The following TBC1D10B variants were observed in gnomAD, a reference collection of about 807,000 sequenced individuals.
TBC1D10B encodes Rab27A-GAPbeta.
Under a neutral mutation model 78.4 loss-of-function variants are expected in TBC1D10B, and 25 were observed. The ratio of observed to expected loss-of-function variants is 0.32; its 90% confidence interval spans 0.23 to 0.45. The LOEUF (loss-of-function observed/expected upper bound fraction) is 0.45. TBC1D10B is among the 20% of genes least tolerant of loss of function. TBC1D10B has a pLI of 1.00. For synonymous variants in TBC1D10B, 517 were observed against 478.0 expected, an observed-to-expected ratio of 1.08 and a Z score of -1.06; for missense variants, 996 against 1,104.8, an observed-to-expected ratio of 0.90 and a Z score of 1.40.
At chr16:30,359,659 A>C in intron 5 of TBC1D10B, 56 bp from the exon 6 acceptor site, 1 of 1,552,426 alleles carries the variant, frequency 6.4e-7, no homozygotes, top group Non-Finnish European at 8.7e-7. Context: ...GGGAGCAGGG[A>C]GCTCCCCCAT....
chr16:30,365,011 A>G lies in TBC1D10B; in HGVS notation c.1165-5T>C. The G allele has an allele frequency of 1.2e-6, 2 of 1,613,054 alleles. No individual in the cohort carries two copies. Among genetic ancestry groups the G allele is most frequent in the Non-Finnish European group, 1.7e-6 (2 of 1,179,402 alleles). On this transcript the variant is annotated splice_polypyrimidine_tract_variant and splice_region_variant and intron_variant, in intron 3 of 8. Transcript: ENST00000409939. The surrounding 1 kb of genome is among the most constrained non-coding windows in gnomAD (Gnocchi z 5.0). ...CCCAGGAGCCCGTTCCAGCTCCTGC[A>G]GTGGGACAGTGGGGATTACCTCAGC...
At chr16:30,359,514 T>C (rs1596985060) in intron 6 of TBC1D10B, 24 bp downstream of exon 6, 1 of 1,554,694 alleles carries the variant, frequency 6.4e-7, no homozygotes, top group East Asian at 2.4e-5. Context: ...CAGCCCCGGA[T>C]GCACCCAGCC....
chr16:30,358,262 T>C lies in TBC1D10B; in HGVS notation c.2109A>G (p.Pro703=). ...GPVVTAEGLH[P]SLPSPTGNST... ...TATTGCCAGTGGGTGAGGGAAGGGATGGATGCAGTCCCTCAGCAGTGACCA... is the reference window on the plus strand; with the variant it reads ...TATTGCCAGTGGGTGAGGGAAGGGACGGATGCAGTCCCTCAGCAGTGACCA... Residue 703 remains proline, a synonymous_variant, in exon 9 of 9, where the codon CCA becomes CCG. Coordinates refer to ENST00000409939, the MANE Select transcript of TBC1D10B (RefSeq NM_015527.4). 1 of 1,577,848 alleles carries C rather than the reference T, an allele frequency of 6.3e-7. No homozygotes were observed. Among genetic ancestry groups the C allele is most frequent in the Non-Finnish European group, 8.6e-7 (1 of 1,161,842 alleles).
intron 4 of TBC1D10B, 25 bp downstream of exon 4, chr16:30,364,875 G>T: frequency 6.3e-7 from 1 of 1,578,364 alleles, no homozygotes; most frequent in Non-Finnish European, 8.6e-7. Flanking sequence ...TTTGCTGACT[G>T]ACCCCCATGG....
intron 4 of TBC1D10B, 136 bp downstream of exon 4, chr16:30,364,764 A>G: frequency 1.4e-6 from 1 of 721,518 alleles, no homozygotes. Flanking sequence ...CTTGACACTT[A>G]GTCCATTACA....
rs947634508 is a variant in TBC1D10B, at chr16:30,369,880, T to C, written c.304A>G (p.Lys102Glu). The change falls in exon 1 of 9, where the codon AAG (lysine) becomes GAG (glutamate). Residue 102 changes from lysine to glutamate, a missense_variant. Lys to Glu is a moderately conservative substitution (Grantham distance 56). Coordinates refer to ENST00000409939, the MANE Select transcript of TBC1D10B (RefSeq NM_015527.4). This position sits in a 1 kb window ranked among gnomAD's most constrained non-coding sequence, Gnocchi z 4.3. ...TCCGGGCCGGAGGGGAGCTGCGGCT[T>C]TGGGGCTTCGGGCGAGGCCTCCAGG... ...LTLEASPEAPKPQLPSGPESP... is the reference protein window; with the variant it reads ...LTLEASPEAPEPQLPSGPESP... The C allele has an allele frequency of 4.3e-6, 6 of 1,395,016 alleles. No individual in the cohort carries two copies. Among genetic ancestry groups the C allele is most frequent in the South Asian group, 3.2e-5 (2 of 61,606 alleles). 86.4% of individuals were successfully genotyped at this position (1,395,016 alleles called of 1,614,324 possible).
chr16:30,369,231 C>A lies in TBC1D10B; in HGVS notation c.953G>T (p.Ser318Ile). The A allele has an allele frequency of 6.3e-7, 1 of 1,576,348 alleles. No homozygotes were observed. Among genetic ancestry groups the A allele is most frequent in the Non-Finnish European group, 8.6e-7 (1 of 1,161,130 alleles). Residue 318 changes from serine (S) to isoleucine (I), a missense_variant, in exon 1 of 9, where the codon AGC becomes ATC. Ser to Ile is a moderately radical substitution (Grantham distance 142). Transcript: ENST00000409939. This position sits in a 1 kb window ranked among gnomAD's most constrained non-coding sequence, Gnocchi z 4.3. The stretch of plus-strand genomic sequence containing the variant: ...CTGGGTGCCCACTGGTACTCACAGG[C>A]TGCCCGAGTACTGGCTGCCCCCAAG... Reference protein sequence around the residue: ...GFLGGSQYSGSLESSIPVDVA... With the variant: ...GFLGGSQYSGILESSIPVDVA...
chr16:30,365,885 T>C lies in TBC1D10B; in HGVS notation c.957-291A>G. 1 of 378,228 alleles carries C rather than the reference T, an allele frequency of 2.6e-6. No individual in the cohort carries two copies. Among genetic ancestry groups the C allele is most frequent in the Non-Finnish European group, 5.0e-6 (1 of 200,454 alleles). The allele number at this position is 378,228 out of a possible 1,614,324, so 23.4% of individuals were successfully genotyped here. A position where few individuals can be genotyped will look rare whatever the true frequency, so the allele number is the denominator to read the frequency against. On this transcript the variant is annotated intron_variant, in intron 1 of 8. Coordinates refer to ENST00000409939, the MANE Select transcript of TBC1D10B (RefSeq NM_015527.4). The surrounding 1 kb of genome is among the most constrained non-coding windows in gnomAD (Gnocchi z 5.0). ...AGCCACATTTTGCATTAGATCTGGA[T>C]CCACGTCCTAGCTTTACCATTTATT...
In TBC1D10B at chr16:30,365,691, G is replaced by A. The variant is rs1476674147; in HGVS notation, c.957-97C>T. ...GCAAGCCACCTCCCCAAGCTCAAAC[G>A]AGAAACTGGATAGTCTGTGAGCTGC... On this transcript the variant is annotated intron_variant, in intron 1 of 8. Coordinates refer to ENST00000409939, the MANE Select transcript of TBC1D10B (RefSeq NM_015527.4). This position sits in a 1 kb window ranked among gnomAD's most constrained non-coding sequence, Gnocchi z 5.0. The A allele has an allele frequency of 2.1e-5, 24 of 1,135,916 alleles. No homozygotes were observed. In the South Asian group the frequency reaches 2.3e-4, roughly 11 times the overall value. The allele number at this position is 1,135,916 out of a possible 1,614,324, so 70.4% of individuals were successfully genotyped here. A position where few individuals can be genotyped will look rare whatever the true frequency, so the allele number is the denominator to read the frequency against.
At position 30,365,030 on chromosome 16, in the gene TBC1D10B, C is replaced by T. The variant is rs777481550; in HGVS notation, c.1165-24G>A. 1.2e-6 allele frequency: 2 copies of T among 1,612,982 alleles called. No homozygotes were observed. Among genetic ancestry groups the T allele is most frequent in the Non-Finnish European group, 1.7e-6 (2 of 1,179,272 alleles). On this transcript the variant is annotated intron_variant, in intron 3 of 8. Transcript: ENST00000409939. The surrounding 1 kb of genome is among the most constrained non-coding windows in gnomAD (Gnocchi z 5.0). ...TCCTGCAGTGGGACAGTGGGGATTACCTCAGCATCTGGGGGAACTGATACC... is the reference window on the plus strand; with the variant it reads ...TCCTGCAGTGGGACAGTGGGGATTATCTCAGCATCTGGGGGAACTGATACC...
At position 30,365,413 on chromosome 16, in the gene TBC1D10B, T is replaced by TA; in HGVS notation, c.1056+81dup. On this transcript the variant is annotated intron_variant, in intron 2 of 8. Coordinates refer to ENST00000409939, the MANE Select transcript of TBC1D10B (RefSeq NM_015527.4). The surrounding 1 kb of genome is among the most constrained non-coding windows in gnomAD (Gnocchi z 5.0). ...CCAGTGTGGTCCAGAGGGCAGATAT[T>TA]ATCGGCTTCCTGGGCTTCCCTGGAG... is the stretch of plus-strand genomic sequence containing the variant. 1 of 1,527,782 alleles carries TA rather than the reference T, an allele frequency of 6.5e-7. No individual in the cohort carries two copies. Among genetic ancestry groups the TA allele is most frequent in the South Asian group, 1.1e-5 (1 of 89,014 alleles). The allele number at this position is 1,527,782 out of a possible 1,614,324, so 94.6% of individuals were successfully genotyped here.
intron 4 of TBC1D10B, 27 bp from the exon 5 acceptor site, chr16:30,359,868 G>A (rs1567412172): frequency 6.5e-7 from 1 of 1,531,470 alleles, no homozygotes; most frequent in Admixed American, 2.0e-5. Flanking sequence ...AGACTGTGAG[G>A]GCAGTCACGG....
At chr16:30,361,506 G>A (rs1250082550) in intron 4 of TBC1D10B, among the ~76,000 whole-genome samples, 2 of 147,046 alleles carry the variant, frequency 1.4e-5, no homozygotes, top group African/African-American at 5.0e-5. Context: ...CCCAGCTCAC[G>A]GCAAACTCTG....
At chr16:30,360,686 G>A (rs984481718) in intron 4 of TBC1D10B, among the ~76,000 whole-genome samples, 3 of 152,074 alleles carry the variant, frequency 2.0e-5, no homozygotes, top group East Asian at 1.9e-4. Context: ...AAGCATCCAC[G>A]AAATGACAGG....
Position 30,365,098 on chromosome 16 carries a change from C to A in TBC1D10B, c.1164+7G>T. ...CACATGTCCCCACACCTTGGAGCTG[C>A]ACGCACCTCAAACTTTCCTGGGTTC... On this transcript the variant is annotated splice_region_variant and intron_variant, in intron 3 of 8. Coordinates refer to ENST00000409939, the MANE Select transcript of TBC1D10B (RefSeq NM_015527.4). The surrounding 1 kb of genome is among the most constrained non-coding windows in gnomAD (Gnocchi z 5.0). 1.2e-6 allele frequency: 2 copies of A among 1,613,868 alleles called. No individual in the cohort carries two copies. Among genetic ancestry groups the A allele is most frequent in the Non-Finnish European group, 1.7e-6 (2 of 1,179,770 alleles).
intron 4 of TBC1D10B, chr16:30,360,223 C>G: frequency 5.4e-6 from 1 of 184,686 alleles, no homozygotes; most frequent in South Asian, 1.1e-4. Context: ...CCTGCCTTAT[C>G]GGTCTCACTG....
chr16:30,358,958 G>A, intron 7 of TBC1D10B, 141 bp from the exon 8 acceptor site: 1 of 1,255,180 alleles, frequency 8.0e-7, no homozygotes, highest in Non-Finnish European at 1.1e-6. Flanking sequence ...AAGTACATGA[G>A]CTGCTATCAG....
chr16:30,359,493 A>G (rs1343078044), intron 6 of TBC1D10B, 45 bp downstream of exon 6: 1 of 1,552,328 alleles, frequency 6.4e-7, no homozygotes, highest in Non-Finnish European at 8.7e-7. Flanking sequence ...TGCAGCCTGG[A>G]GGAAACGCCA....
intron 7 of TBC1D10B, 35 bp downstream of exon 7, chr16:30,359,137 C>T: frequency 6.3e-7 from 1 of 1,578,910 alleles, no homozygotes; most frequent in Non-Finnish European, 8.6e-7. Flanking sequence ...CACAGAAACC[C>T]CAGCCCCTCA....
Sources: gnomAD v4.1 joint callset for allele counts (sites outside exome capture counted in the v4.1 genomes callset) on GRCh38, gnomAD v4.1.1 for gene constraint, Gnocchi (gnomAD v3.1) non-coding constraint, MANE v1.5 for transcripts, NCBI Gene and HGNC (gene_info 2026-07-23, HGNC 2026-07-21) for gene names.